UCK2: variants seen among roughly 807,000 people sequenced by gnomAD.
The protein encoded by UCK2 is uridine-cytidine kinase 2.
Under a neutral mutation model 30.8 loss-of-function variants are expected in UCK2, and 6 were observed. That is an observed-to-expected ratio of 0.19 (90% CI 0.11 to 0.38). The LOEUF is 0.38. Among genes scored for constraint, UCK2 ranks in the 10% least tolerant of loss-of-function variants. The pLI, the probability that UCK2 is intolerant of heterozygous loss-of-function variation, is 1.00. For missense variants in UCK2, 210 were observed against 339.8 expected (o/e 0.62, Z 3.00); for synonymous variants, 125 against 133.6 (o/e 0.94, Z 0.45).
chr1:165,853,018 A>C (rs1654636622), intron 1 of UCK2, among the ~76,000 whole-genome samples: 1 of 151,812 alleles, frequency 6.6e-6, no homozygotes, highest in African/African-American at 2.4e-5. Context: ...TGCCCCTTTG[A>C]TTACTTGTCA....
chr1:165,878,307 C>A (rs1655390864), intron 1 of UCK2, among the ~76,000 whole-genome samples: 1 of 151,294 alleles, frequency 6.6e-6, no homozygotes, highest in Non-Finnish European at 1.5e-5. Context: ...AGTGTCTTTT[C>A]ATGGCTTGCC....
chr1:165,880,566 GGT>G (rs869079437), intron 1 of UCK2, among the ~76,000 whole-genome samples: 97 of 19,352 alleles, frequency 5.0e-3, no homozygotes, highest in African/African-American at 9.7e-3. Flanking sequence ...TTTTTTTGGG[GGT>G]GTGTGTGTGT....
At chr1:165,888,709 C>T (rs1391474827) in intron 1 of UCK2, among the ~76,000 whole-genome samples, 2 of 132,744 alleles carry the variant, frequency 1.5e-5, no homozygotes, top group Non-Finnish European at 3.1e-5. Flanking sequence ...TCTCGAATTC[C>T]TGACCTCAAG....
rs192018909 is a variant in UCK2, at chr1:165,882,472, G to A, written c.100-7732G>A. The stretch of plus-strand genomic sequence containing the variant: ...TGTACCTCATTATTTCAGAATGTTT[G>A]TGCTGCTGTAACAAAATACCTGACA... On this transcript the variant is annotated intron_variant, in intron 1 of 6. Coordinates refer to ENST00000367879, the MANE Select transcript of UCK2 (RefSeq NM_012474.5). Among the ~76,000 whole-genome samples, 19 of 152,280 alleles carry A rather than the reference G, an allele frequency of 1.2e-4. No individual in the cohort carries two copies. In the East Asian group the frequency reaches 3.3e-3, roughly 26 times the overall value.
chr1:165,868,082 C>T (rs1655092624), intron 1 of UCK2, among the ~76,000 whole-genome samples: 1 of 152,176 alleles, frequency 6.6e-6, no homozygotes, highest in Admixed American at 6.5e-5. Flanking sequence ...CATCAGAGCT[C>T]TTGGGTGACT....
chr1:165,848,261 TC>T (rs1654499593), intron 1 of UCK2, among the ~76,000 whole-genome samples: 1 of 152,266 alleles, frequency 6.6e-6, no homozygotes, highest in African/African-American at 2.4e-5. Flanking sequence ...CCTCAGATGC[TC>T]AGTTTTACCT....
chr1:165,829,885 C>G (rs1653999816), intron 1 of UCK2, among the ~76,000 whole-genome samples: 1 of 152,216 alleles, frequency 6.6e-6, no homozygotes, highest in South Asian at 2.1e-4. Context: ...GACAAGGTCT[C>G]GCATTTCCAC....
intron 5 of UCK2, among the ~76,000 whole-genome samples, chr1:165,903,773 T>A (rs1647562762): frequency 6.6e-6 from 1 of 152,208 alleles, no homozygotes; most frequent in African/African-American, 2.4e-5. Flanking sequence ...TGTCATGCCT[T>A]ACTGGAATAA....
chr1:165,883,325 G>C (rs987675517), intron 1 of UCK2, among the ~76,000 whole-genome samples: 12 of 152,200 alleles, frequency 7.9e-5, no homozygotes, highest in Non-Finnish European at 1.6e-4. Context: ...AATGCAGTCT[G>C]TGTGCCCAGC....
chr1:165,903,157 A>T (rs1239563814), intron 4 of UCK2, 25 bp from the exon 5 acceptor site: 4 of 1,600,618 alleles, frequency 2.5e-6, no homozygotes, highest in South Asian at 2.2e-5. Flanking sequence ...CCGTTTTTTG[A>T]TTCTTGTTTT....
At chr1:165,829,026 A>T (rs950253246) in intron 1 of UCK2, among the ~76,000 whole-genome samples, 6 of 152,086 alleles carry the variant, frequency 3.9e-5, no homozygotes, top group Non-Finnish European at 8.8e-5. Flanking sequence ...GGAAAGAGCC[A>T]CGAGGTTTTA....
At chr1:165,893,899 A>ATTTATCAGTT (rs1655828704) in intron 3 of UCK2, among the ~76,000 whole-genome samples, 1 of 152,202 alleles carries the variant, frequency 6.6e-6, no homozygotes, top group Non-Finnish European at 1.5e-5. Context: ...CCTTTTTAGT[A>ATTTATCAGTT]TTTATCAGTT....
In UCK2 at chr1:165,895,997, G is replaced by A. The variant is rs566068482; in HGVS notation, c.357-193G>A. 97 of 659,994 alleles carry A rather than the reference G, an allele frequency of 1.5e-4. 1 individual carries two copies. The South Asian group carries it at 1.8e-3, about 12-fold the overall frequency. The allele number at this position is 659,994 out of a possible 1,614,324, so 40.9% of individuals were successfully genotyped here. A position where few individuals can be genotyped will look rare whatever the true frequency, so the allele number is the denominator to read the frequency against. On this transcript the variant is annotated intron_variant, in intron 3 of 6. Coordinates refer to ENST00000367879, the MANE Select transcript of UCK2 (RefSeq NM_012474.5). ...GTCAAAGGAGACCTTTGTCCCGGCC[G>A]TGATCACCCTTGGCTCTTTGGTGGT...
rs370149941 is a variant in UCK2 at position 165,834,288 on chromosome 1, C to T, written c.99+6356C>T. Reference sequence around the variant, plus strand: ...ACTTACTAAATCATGATATTCCCATCCTCCAGTTATGCTATGGCTTTTCCT... The same window carrying T: ...ACTTACTAAATCATGATATTCCCATTCTCCAGTTATGCTATGGCTTTTCCT... On this transcript the variant is annotated intron_variant, in intron 1 of 6. Transcript: ENST00000367879. 7.9e-5 allele frequency among the ~76,000 whole-genome samples: 12 copies of T among 152,126 alleles called. No individual in the cohort carries two copies. In the East Asian group the frequency reaches 1.5e-3, roughly 20 times the overall value.
At chr1:165,865,906 A>C (rs1372455738) in intron 1 of UCK2, among the ~76,000 whole-genome samples, 1 of 152,236 alleles carries the variant, frequency 6.6e-6, no homozygotes, top group Non-Finnish European at 1.5e-5. Flanking sequence ...GTAGGAGATC[A>C]AACCCAATGC....
At chr1:165,896,102 C>G in intron 3 of UCK2, 88 bp from the exon 4 acceptor site, 1 of 1,554,984 alleles carries the variant, frequency 6.4e-7, no homozygotes, top group Non-Finnish European at 8.7e-7. Flanking sequence ...AACCCAGAAC[C>G]CAGCCCAGCC....
intron 1 of UCK2, among the ~76,000 whole-genome samples, chr1:165,845,262 A>G (rs1654421355): frequency 6.6e-6 from 1 of 152,228 alleles, no homozygotes; most frequent in South Asian, 2.1e-4. Context: ...TTTGGTGACC[A>G]GAGGTGAAAT....
At chr1:165,860,863 T>G (rs1202200634) in intron 1 of UCK2, among the ~76,000 whole-genome samples, 1 of 152,196 alleles carries the variant, frequency 6.6e-6, no homozygotes, top group Non-Finnish European at 1.5e-5. Context: ...GAACCAAGTC[T>G]GCATGATTTG....
At position 165,908,791 on chromosome 1, in the gene UCK2, T is replaced by C. The variant is rs545044319; in HGVS notation, c.*968T>C. The C allele has an allele frequency of 6.6e-6, 1 of 152,426 alleles. No individual in the cohort carries two copies. Among genetic ancestry groups the C allele is most frequent in the East Asian group, 1.9e-4 (1 of 5,170 alleles). 9.4% of individuals were successfully genotyped at this position (152,426 alleles called of 1,614,324 possible). On this transcript the variant is annotated 3_prime_UTR_variant, in exon 7 of 7. Coordinates refer to ENST00000367879, the MANE Select transcript of UCK2 (RefSeq NM_012474.5). ...ACTCCTTGGGCTTTTTCCTGTATTG[T>C]GGAATATAGAGTGGACCATTGCAGG...
Sources: gnomAD v4.1 joint callset for allele counts (sites outside exome capture counted in the v4.1 genomes callset) on GRCh38, gnomAD v4.1.1 for gene constraint, MANE v1.5 for transcripts, NCBI Gene and HGNC (gene_info 2026-07-23, HGNC 2026-07-21) for gene names.